The following NEAT1 variants were observed in gnomAD, a reference collection of about 807,000 sequenced individuals.
The protein encoded by NEAT1 is nuclear paraspeckle assembly transcript 1, also known as MENepsilon/beta.
exon 1 of NEAT1, chr11:65,437,197 A>C (rs531165518): frequency 7.5e-6 from 1 of 134,072 alleles, no homozygotes; most frequent in Non-Finnish European, 1.5e-5. Flanking sequence ...ATATATATGT[A>C]TATATATATA....
exon 1 of NEAT1, chr11:65,432,331 A>AT (rs1856620417): frequency 1.3e-5 from 2 of 152,230 alleles, no homozygotes; most frequent in Non-Finnish European, 2.9e-5. Flanking sequence ...TGGGAAGGCC[A>AT]CATTTGCCAC....
At chr11:65,436,755 G>A (rs1856660996) in exon 1 of NEAT1, 1 of 151,892 alleles carries the variant, frequency 6.6e-6, no homozygotes, top group Admixed American at 6.6e-5. Flanking sequence ...TCCCTTTTTG[G>A]GGAACCATTA....
chr11:65,440,582 A>T (rs542347460), exon 1 of NEAT1: 4 of 152,042 alleles, frequency 2.6e-5, no homozygotes, highest in Non-Finnish European at 5.9e-5. Flanking sequence ...CTGAAGCAGG[A>T]CTTGTAAAGC....
chr11:65,432,941 T>A (rs1363802192), exon 1 of NEAT1: 1 of 151,616 alleles, frequency 6.6e-6, no homozygotes, highest in Non-Finnish European at 1.5e-5. Flanking sequence ...GAACACACAG[T>A]ATTTGGTTTT....
chr11:65,429,287 G>A (rs1001784000), exon 1 of NEAT1: 2 of 152,154 alleles, frequency 1.3e-5, no homozygotes, highest in African/African-American at 4.8e-5. Flanking sequence ...CTGCCCAGCA[G>A]GGAGGGATTT....
exon 1 of NEAT1, chr11:65,434,699 C>CAT (rs1856642591): frequency 6.6e-6 from 1 of 152,154 alleles, no homozygotes; most frequent in Non-Finnish European, 1.5e-5. Flanking sequence ...ATTCCTGGGT[C>CAT]ATAGGGCGTG....
Position 65,442,126 on chromosome 11 carries a change from A to AT in NEAT1, n.19345dup, listed in dbSNP as rs796862022. The stretch of plus-strand genomic sequence containing the variant: ...TGTTGCCTCATTCCACAGAGTTTTG[A>AT]TTTTTTTTTTTTTTTTAATGGTCAC... On this transcript the variant is annotated non_coding_transcript_exon_variant, in exon 1 of 1. Coordinates refer to ENST00000501122, the Ensembl canonical transcript of NEAT1. The AT allele has an allele frequency of 6.3e-3, 884 of 140,640 alleles. 5 individuals are homozygous for AT. Among genetic ancestry groups the AT allele is most frequent in the African/African-American group, 9.8e-3 (374 of 38,344 alleles). 8.7% of individuals were successfully genotyped at this position (140,640 alleles called of 1,614,324 possible).
chr11:65,440,082 C>A (rs886920898), exon 1 of NEAT1: 5 of 152,074 alleles, frequency 3.3e-5, no homozygotes, highest in African/African-American at 1.2e-4. Flanking sequence ...CATAGTGATA[C>A]CCTATCTCTT....
exon 1 of NEAT1, chr11:65,424,509 C>G (rs1482567472): frequency 6.6e-6 from 1 of 152,196 alleles, no homozygotes; most frequent in African/African-American, 2.4e-5. Context: ...TGCCTGCCTT[C>G]TTGTGCGTTT....
chr11:65,442,038 C>T (rs566071111), exon 1 of NEAT1: 67 of 152,186 alleles, frequency 4.4e-4, no homozygotes, highest in African/African-American at 1.5e-3. Context: ...TGTAAGGTTT[C>T]GTGTGGGCAG....
At chr11:65,423,089 C>G (rs571108864) in exon 1 of NEAT1, 1 of 152,646 alleles carries the variant, frequency 6.6e-6, no homozygotes, top group Admixed American at 6.5e-5. Flanking sequence ...GAGGGCGCCG[C>G]TCTTGCATAG....
At chr11:65,424,573 A>G (rs1301744230) in exon 1 of NEAT1, 1 of 152,186 alleles carries the variant, frequency 6.6e-6, no homozygotes, top group Non-Finnish European at 1.5e-5. Flanking sequence ...AGAGCTGTTT[A>G]ATTTTAAATG....
exon 1 of NEAT1, chr11:65,436,209 G>A (rs1209600617): frequency 6.6e-6 from 1 of 152,274 alleles, no homozygotes; most frequent in Non-Finnish European, 1.5e-5. Flanking sequence ...CTTGGCATCT[G>A]CCTCGGTGGA....
At chr11:65,440,567 T>G (rs1856704928) in exon 1 of NEAT1, 1 of 151,042 alleles carries the variant, frequency 6.6e-6, no homozygotes, top group African/African-American at 2.4e-5. Context: ...TCAGGGAAGG[T>G]AACCCTGAAG....
exon 1 of NEAT1, chr11:65,433,347 C>A (rs1413052531): frequency 6.6e-6 from 1 of 152,124 alleles, no homozygotes; most frequent in African/African-American, 2.4e-5. Context: ...GCTTTAAAAT[C>A]TGGTAAATGG....
chr11:65,423,303 C>A (rs1856519720), exon 1 of NEAT1: 1 of 152,448 alleles, frequency 6.6e-6, no homozygotes, highest in Non-Finnish European at 1.5e-5. Context: ...AGACCAAGGG[C>A]TGTGAACCCG....
exon 1 of NEAT1, chr11:65,440,884 A>T (rs1856708450): frequency 6.6e-6 from 1 of 151,370 alleles, no homozygotes; most frequent in Admixed American, 6.6e-5. Flanking sequence ...AAAGGAATGA[A>T]TTAGAACTTC....
exon 1 of NEAT1, chr11:65,444,890 T>C (rs1008596529): frequency 8.6e-6 from 2 of 231,490 alleles, no homozygotes; most frequent in Admixed American, 5.4e-5. Context: ...GGCGGGCGTC[T>C]GCGTGACCTC....
exon 1 of NEAT1, chr11:65,431,947 T>G (rs902782870): frequency 1.3e-5 from 2 of 152,206 alleles, no homozygotes; most frequent in African/African-American, 4.8e-5. Context: ...CTGTTTTTAC[T>G]TTTGTGGTCT....
Sources: allele counts gnomAD v4.1 joint callset, GRCh38; gene constraint gnomAD v4.1.1; transcripts MANE v1.5; gene names NCBI Gene and HGNC (gene_info 2026-07-23, HGNC 2026-07-21).